Variants in GRID2 observed in about 807,000 individuals in gnomAD.
The protein encoded by GRID2 is glutamate ionotropic receptor delta type subunit 2.
A neutral mutation model predicts 114.8 loss-of-function variants in GRID2; 33 were observed. That is an observed-to-expected ratio of 0.29 (90% CI 0.22 to 0.38). The LOEUF (loss-of-function observed/expected upper bound fraction) is 0.38. GRID2 is among the 10% of genes least tolerant of loss of function. GRID2 has a pLI of 1.00. For synonymous variants in GRID2, 505 were observed against 449.9 expected (o/e 1.12, Z -1.55); for missense variants, 1,184 against 1,257.7 (o/e 0.94, Z 0.89).
chr4:92,537,273 T>C (rs991489758), intron 1 of GRID2, among the ~76,000 whole-genome samples: 18 of 152,184 alleles, frequency 1.2e-4, no homozygotes, highest in African/African-American at 3.9e-4. Context: ...GTAATTTATA[T>C]ACATACTATT....
At chr4:93,775,126 T>A (rs1734339831), downstream of GRID2, among the ~76,000 whole-genome samples, 1 of 136,040 alleles carries the variant, frequency 7.4e-6, no homozygotes, top group Admixed American at 8.5e-5. Flanking sequence ...GAAAATGTAT[T>A]TTGAAAACAT....
chr4:93,716,537 A>G (rs756927632), intron 14 of GRID2, among the ~76,000 whole-genome samples: 1 of 152,136 alleles, frequency 6.6e-6, no homozygotes, highest in Non-Finnish European at 1.5e-5. Context: ...TCCACTTTAT[A>G]CTAGTCATAC....
At chr4:92,718,183 G>A (rs1325317481) in intron 2 of GRID2, among the ~76,000 whole-genome samples, 1 of 151,886 alleles carries the variant, frequency 6.6e-6, no homozygotes, top group East Asian at 1.9e-4. Context: ...TATTTTGCAA[G>A]AAAATATTCC....
At chr4:93,243,150 G>T (rs1284565490) in intron 8 of GRID2, among the ~76,000 whole-genome samples, 1 of 151,764 alleles carries the variant, frequency 6.6e-6, no homozygotes, top group Non-Finnish European at 1.5e-5. Flanking sequence ...TCTTAATTTT[G>T]AAATTTTCAT....
chr4:93,708,835 C>A (rs1374822724), intron 14 of GRID2, among the ~76,000 whole-genome samples: 1 of 150,914 alleles, frequency 6.6e-6, no homozygotes, highest in Non-Finnish European at 1.5e-5. Flanking sequence ...ATTTTAATTT[C>A]TTGCTTTTTA....
chr4:93,714,389 T>C (rs1429340661), intron 14 of GRID2, among the ~76,000 whole-genome samples: 1 of 152,208 alleles, frequency 6.6e-6, no homozygotes. Context: ...TGAATAATGC[T>C]GCAACAAACA....
At chr4:92,477,038 CATGTGTGTGTGTGTGTGTGTGTGT>C (rs1225153253) in intron 1 of GRID2, among the ~76,000 whole-genome samples, 33 of 104,810 alleles carry the variant, frequency 3.1e-4, no homozygotes, top group African/African-American at 9.0e-4. Flanking sequence ...GATTTAACTT[CATGTGTGTGTGTGTGTGTGTGTGT>C]GTGTGTGTGT....
At chr4:92,481,836 C>G (rs568835252) in intron 1 of GRID2, among the ~76,000 whole-genome samples, 1 of 151,154 alleles carries the variant, frequency 6.6e-6, no homozygotes, top group Non-Finnish European at 1.5e-5. Context: ...AATCCATGAG[C>G]TTAGAAAGTA....
At chr4:92,549,335 T>A (rs1257200654) in intron 1 of GRID2, among the ~76,000 whole-genome samples, 3 of 152,154 alleles carry the variant, frequency 2.0e-5, no homozygotes, top group African/African-American at 7.2e-5. Flanking sequence ...ATGGTTACCC[T>A]CAGGGACTAT....
intron 2 of GRID2, among the ~76,000 whole-genome samples, chr4:92,958,856 C>G (rs189063656): frequency 4.7e-4 from 71 of 152,050 alleles, no homozygotes; most frequent in African/African-American, 1.7e-3. Context: ...GGTAAATATT[C>G]ACCTATTCAG....
At chr4:93,201,518 A>G (rs1302189305) in intron 4 of GRID2, among the ~76,000 whole-genome samples, 3 of 152,184 alleles carry the variant, frequency 2.0e-5, no homozygotes, top group Non-Finnish European at 4.4e-5. Context: ...GGAAGCAAAC[A>G]CCTGATATCT....
intron 4 of GRID2, among the ~76,000 whole-genome samples, chr4:93,163,356 G>GTATATATATATATA (rs57285537): frequency 5.3e-5 from 3 of 56,274 alleles, no homozygotes; most frequent in African/African-American, 7.8e-5. Flanking sequence ...TTTTTTTTGT[G>GTATATATATATATA]TATATATATA....
intron 2 of GRID2, among the ~76,000 whole-genome samples, chr4:93,021,717 T>G (rs1471434083): frequency 6.9e-6 from 1 of 145,712 alleles, no homozygotes; most frequent in African/African-American, 2.5e-5. Flanking sequence ...TTATAATTAT[T>G]TATAATATGT....
intron 4 of GRID2, among the ~76,000 whole-genome samples, chr4:93,130,951 C>CT (rs1354514757): frequency 1.3e-5 from 2 of 152,062 alleles, no homozygotes; most frequent in African/African-American, 4.8e-5. Context: ...TCCTTTCTGC[C>CT]TTTCATCTTT....
At chr4:92,651,680 C>T (rs891297911) in intron 2 of GRID2, among the ~76,000 whole-genome samples, 2 of 152,078 alleles carry the variant, frequency 1.3e-5, no homozygotes, top group Non-Finnish European at 1.5e-5. Flanking sequence ...CCAGCCAAAT[C>T]ATTGGCTACA....
intron 2 of GRID2, among the ~76,000 whole-genome samples, chr4:92,809,852 A>G (rs1740586582): frequency 6.6e-6 from 1 of 151,992 alleles, no homozygotes; most frequent in South Asian, 2.1e-4. Flanking sequence ...TATGTTGTAA[A>G]TATATCATAA....
intron 2 of GRID2, among the ~76,000 whole-genome samples, chr4:92,805,221 G>A (rs1392963459): frequency 1.3e-5 from 2 of 151,826 alleles, no homozygotes; most frequent in Non-Finnish European, 2.9e-5. Context: ...AAATTTCTGT[G>A]TGATTTTTTT....
intron 2 of GRID2, among the ~76,000 whole-genome samples, chr4:92,978,951 A>C (rs1160114451): frequency 2.0e-5 from 3 of 152,072 alleles, no homozygotes; most frequent in African/African-American, 7.2e-5. Flanking sequence ...TGAGCTCAGG[A>C]GTTTGAGGCT....
At chr4:92,781,345 T>G (rs1739064600) in intron 2 of GRID2, among the ~76,000 whole-genome samples, 1 of 152,118 alleles carries the variant, frequency 6.6e-6, no homozygotes, top group African/African-American at 2.4e-5. Flanking sequence ...ACTATGTAAT[T>G]TTTACTTTTT....
Sources: allele counts gnomAD v4.1 joint callset (sites outside exome capture counted in the v4.1 genomes callset), GRCh38; gene constraint gnomAD v4.1.1; transcripts MANE v1.5; gene names NCBI Gene and HGNC (gene_info 2026-07-23, HGNC 2026-07-21).